RBP2: variants seen among roughly 807,000 people sequenced by gnomAD.
RBP2 encodes retinol binding protein 2, also known as retinol-binding protein 2.
In RBP2, 17 loss-of-function variants were observed where a neutral mutation model predicts 17.0. The ratio of observed to expected loss-of-function variants is 1.00; its 90% CI spans 0.68 to 1.50. The LOEUF is 1.50. RBP2 is among the 40% of genes most tolerant of loss of function. RBP2 has a pLI of 0.00. For synonymous variants in RBP2, 48 were observed against 57.1 expected (o/e 0.84, Z 0.72); for missense variants, 158 against 168.2 (o/e 0.94, Z 0.33).
At chr3:139,454,898 A>G in intron 2 of RBP2, 68 bp from the exon 3 acceptor site, 1 of 1,464,636 alleles carries the variant, frequency 6.8e-7, no homozygotes. Flanking sequence ...CTAAACCTGC[A>G]GCTGCAATTC....
intron 1 of RBP2, among the ~76,000 whole-genome samples, chr3:139,473,232 AC>A (rs3836322): frequency 0.067 from 10,213 of 152,184 alleles, 445 homozygotes; most frequent in Middle Eastern, 0.15. Flanking sequence ...TGGCTCACTC[AC>A]CTTTTGAACT....
intron 3 of RBP2, 151 bp from the exon 4 acceptor site, chr3:139,453,317 G>A: frequency 1.3e-6 from 1 of 757,548 alleles, no homozygotes; most frequent in Non-Finnish European, 2.3e-6. Flanking sequence ...CCAATCAGCG[G>A]GCATGCCCTG....
rs1309753350 is a variant in RBP2, at chr3:139,476,366, C to T, written c.73+21G>A. 7 of 1,608,192 alleles carry T rather than the reference C, an allele frequency of 4.4e-6. No homozygotes were observed. The African/African-American group carries it at 8.0e-5, about 18-fold the overall frequency. On this transcript the variant is annotated intron_variant, in intron 1 of 3. Transcript: ENST00000232217. ...TACTCCCAACAACAGCTACCCTCCC[C>T]ATCCCCAGTCTCCTCCTTACCCAGG...
At position 139,454,581 on chromosome 3, in the gene RBP2, T is replaced by G. The variant is rs147857552; in HGVS notation, c.354+148A>C. On this transcript the variant is annotated intron_variant, in intron 3 of 3. Coordinates refer to ENST00000232217, the MANE Select transcript of RBP2 (RefSeq NM_004164.3). ...TGGAGTCCCCTGAGCCAGATGGGAA[T>G]GGCTTTCTGACTATATGACCACATG... is the stretch of plus-strand genomic sequence containing the variant. 1,580 of 659,114 alleles carry G rather than the reference T, an allele frequency of 2.4e-3. 5 individuals carry two copies. The highest frequency in any genetic ancestry group is 3.6e-3 in the Non-Finnish European group (1,309 of 366,986). 40.8% of individuals were successfully genotyped at this position (659,114 alleles called of 1,614,324 possible).
chr3:139,458,486 A>G (rs1933056880), intron 2 of RBP2, among the ~76,000 whole-genome samples: 2 of 152,238 alleles, frequency 1.3e-5, no homozygotes, highest in South Asian at 4.1e-4. Context: ...TTCACAAAAT[A>G]TAAAATTCAC....
chr3:139,466,103 A>C (rs1232754737), intron 1 of RBP2, among the ~76,000 whole-genome samples: 1 of 152,194 alleles, frequency 6.6e-6, no homozygotes, highest in Non-Finnish European at 1.5e-5. Flanking sequence ...AATTAAAACC[A>C]AGACAAGCTG....
chr3:139,458,008 C>T (rs549422607), intron 2 of RBP2, among the ~76,000 whole-genome samples: 2 of 152,296 alleles, frequency 1.3e-5, no homozygotes, highest in South Asian at 4.1e-4. Flanking sequence ...TTAGGAAATA[C>T]ATACGGAAGT....
At chr3:139,459,398 A>ATTTGTGTGTGTG (rs201355065) in intron 2 of RBP2, among the ~76,000 whole-genome samples, 1 of 36,166 alleles carries the variant, frequency 2.8e-5, no homozygotes, top group African/African-American at 6.9e-5. Flanking sequence ...TCTACTATAT[A>ATTTGTGTGTGTG]TATGTGTGTG....
At chr3:139,459,041 T>C (rs1343422617) in intron 2 of RBP2, among the ~76,000 whole-genome samples, 11 of 152,114 alleles carry the variant, frequency 7.2e-5, no homozygotes, top group Admixed American at 5.9e-4. Context: ...TGGGCTGGCA[T>C]AGAACTGGGC....
At chr3:139,462,558 A>AACACACACACACACACACACACAC (rs59601422) in intron 1 of RBP2, among the ~76,000 whole-genome samples, 1,902 of 121,274 alleles carry the variant, frequency 0.016, 99 homozygotes, top group African/African-American at 0.039. Flanking sequence ...GCAGCTCCCC[A>AACACACACACACACACACACACAC]ACACACACAC....
At chr3:139,459,400 A>ATATATGTGTGTGTGTGTGTGTG (rs111417242) in intron 2 of RBP2, among the ~76,000 whole-genome samples, 91 of 128,558 alleles carry the variant, frequency 7.1e-4, no homozygotes, top group East Asian at 3.8e-3. Flanking sequence ...TACTATATAT[A>ATATATGTGTGTGTGTGTGTGTG]TGTGTGTGTG....
At chr3:139,470,912 C>A (rs755615202) in intron 1 of RBP2, among the ~76,000 whole-genome samples, 3 of 152,022 alleles carry the variant, frequency 2.0e-5, no homozygotes, top group Non-Finnish European at 4.4e-5. Context: ...CACCCAAAAC[C>A]TTTGCACTTG....
At chr3:139,459,863 C>G (rs77347345) in intron 2 of RBP2, among the ~76,000 whole-genome samples, 12,621 of 151,872 alleles carry the variant, frequency 0.083, 576 homozygotes, top group Middle Eastern at 0.16. Context: ...TGTGCATTCA[C>G]TCTGGCTTTC....
chr3:139,474,207 C>T (rs1418921471), intron 1 of RBP2, among the ~76,000 whole-genome samples: 1 of 152,178 alleles, frequency 6.6e-6, no homozygotes, highest in African/African-American at 2.4e-5. Flanking sequence ...ATCACATTCA[C>T]AACTTGTGAG....
chr3:139,462,325 G>T, intron 1 of RBP2, 35 bp from the exon 2 acceptor site: 1 of 1,605,054 alleles, frequency 6.2e-7, no homozygotes, highest in Non-Finnish European at 8.5e-7. Context: ...GTTATGATGT[G>T]CTCAGCCAGA....
At chr3:139,465,955 T>C (rs1201942691) in intron 1 of RBP2, among the ~76,000 whole-genome samples, 1 of 152,164 alleles carries the variant, frequency 6.6e-6, no homozygotes, top group Non-Finnish European at 1.5e-5. Flanking sequence ...CCTTTGGTTC[T>C]GTGAATTCCT....
At chr3:139,459,646 A>G (rs779405327) in intron 2 of RBP2, among the ~76,000 whole-genome samples, 10 of 151,366 alleles carry the variant, frequency 6.6e-5, no homozygotes, top group African/African-American at 9.7e-5. Flanking sequence ...GAAAGAAATT[A>G]ATCAGAGAAA....
chr3:139,456,591 G>C (rs1473132404), intron 2 of RBP2, among the ~76,000 whole-genome samples: 1 of 152,202 alleles, frequency 6.6e-6, no homozygotes. Flanking sequence ...GCATAAAGCA[G>C]ACGGGGGTGG....
At chr3:139,474,366 G>A (rs1933659580) in intron 1 of RBP2, among the ~76,000 whole-genome samples, 1 of 152,172 alleles carries the variant, frequency 6.6e-6, no homozygotes, top group African/African-American at 2.4e-5. Flanking sequence ...TGGTAGGAAT[G>A]CTTGCTTCTC....
Sources: gnomAD v4.1 joint callset for allele counts (sites outside exome capture counted in the v4.1 genomes callset) on GRCh38, gnomAD v4.1.1 for gene constraint, MANE v1.5 for transcripts, NCBI Gene and HGNC (gene_info 2026-07-23, HGNC 2026-07-21) for gene names.